The following SNX29 variants were observed in gnomAD, a reference collection of about 807,000 sequenced individuals.
The protein encoded by SNX29 is sorting nexin-29.
SNX29 carries 78 observed loss-of-function variants against 102.1 expected under a neutral mutation model. The observed-to-expected ratio is 0.76, with a 90% CI of 0.64 to 0.92. The LOEUF (loss-of-function observed/expected upper bound fraction) is 0.92. Among genes scored for constraint, SNX29 ranks in the 40% least tolerant of loss-of-function variants. SNX29 has a pLI of 0.00. For synonymous variants in SNX29, 580 were observed against 414.5 expected (o/e 1.40, Z -4.85); for missense variants, 1,280 against 1,061.7 (o/e 1.21, Z -2.86).
intron 20 of SNX29, among the ~76,000 whole-genome samples, chr16:12,552,777 G>C (rs1014546335): frequency 6.6e-6 from 1 of 152,214 alleles, no homozygotes. Flanking sequence ...ATTCATCTCA[G>C]CTCTGGGCTT....
chr16:12,042,689 T>C (rs961092626), intron 4 of SNX29, among the ~76,000 whole-genome samples: 1 of 152,246 alleles, frequency 6.6e-6, no homozygotes, highest in East Asian at 1.9e-4. Flanking sequence ...AGTATTCCAT[T>C]GTGTAAATGT....
At chr16:12,358,844 G>C (rs963810551) in intron 16 of SNX29, among the ~76,000 whole-genome samples, 11 of 152,224 alleles carry the variant, frequency 7.2e-5, no homozygotes, top group African/African-American at 2.7e-4. Context: ...CTTCCAGGTA[G>C]CTGAATAAGT....
At chr16:12,414,338 C>T (rs551840184) in intron 18 of SNX29, among the ~76,000 whole-genome samples, 77 of 152,314 alleles carry the variant, frequency 5.1e-4, no homozygotes, top group African/African-American at 1.7e-3. Flanking sequence ...CACACCGCTG[C>T]ACTCCAGCCT....
In SNX29 at chr16:12,569,536, A is replaced by G; in HGVS notation, c.*907A>G. On this transcript the variant is annotated 3_prime_UTR_variant, in exon 21 of 21. Coordinates refer to ENST00000566228, the MANE Select transcript of SNX29 (RefSeq NM_032167.5). ...GCTCCATGACTATGAAGTTGGACCC[A>G]GTGTGGACACTTAACAGATCATGTG... 4.3e-6 allele frequency: 1 copy of G among 231,666 alleles called. No individual in the cohort carries two copies. The highest frequency in any genetic ancestry group is 6.1e-5 in the East Asian group (1 of 16,372). 14.4% of individuals were successfully genotyped at this position (231,666 alleles called of 1,614,324 possible).
Position 12,086,529 on chromosome 16 carries a change from G to C in SNX29, c.1402+7614G>C, listed in dbSNP as rs550569369. Among the ~76,000 whole-genome samples, 107 of 152,190 alleles carry C rather than the reference G, an allele frequency of 7.0e-4. 1 individual carries two copies. The highest frequency in any genetic ancestry group is 2.5e-3 in the African/African-American group (103 of 41,540). On this transcript the variant is annotated intron_variant, in intron 11 of 20. Transcript: ENST00000566228. ...GGGCTTAAGCGATCCTCCTGCCTCA[G>C]CTTCCCAAGTAGCTGGGACTGAAGG...
chr16:12,442,833 G>A lies in SNX29; in HGVS notation c.2038-34886G>A, dbSNP rs532102524. ...GGTCTCCAACTCCTGGGCTCAAGCCGTCCTCCCATCTCAGCCTCACAAGTC... is the reference window on the plus strand; with the variant it reads ...GGTCTCCAACTCCTGGGCTCAAGCCATCCTCCCATCTCAGCCTCACAAGTC... On this transcript the variant is annotated intron_variant, in intron 18 of 20. Coordinates refer to ENST00000566228, the MANE Select transcript of SNX29 (RefSeq NM_032167.5). Among the ~76,000 whole-genome samples, 36 of 152,120 alleles carry A rather than the reference G, an allele frequency of 2.4e-4. 1 individual carries two copies. In the South Asian group the frequency reaches 4.8e-3, roughly 20 times the overall value.
intron 9 of SNX29, among the ~76,000 whole-genome samples, chr16:12,064,923 C>A (rs558409469): frequency 6.6e-6 from 1 of 152,254 alleles, no homozygotes; most frequent in Admixed American, 6.5e-5. Flanking sequence ...AGACTTCCCA[C>A]ATGGAGGGCT....
chr16:12,562,686 C>T (rs137887649), intron 20 of SNX29, among the ~76,000 whole-genome samples: 2 of 152,260 alleles, frequency 1.3e-5, no homozygotes, highest in Non-Finnish European at 2.9e-5. Context: ...CAGGCACTGC[C>T]TTCTTTGGAG....
intron 8 of SNX29, among the ~76,000 whole-genome samples, chr16:12,058,495 G>GTTTTTTTTTTTTT (rs1249420541): frequency 5.6e-5 from 6 of 106,542 alleles, no homozygotes; most frequent in Admixed American, 1.1e-4. Context: ...TTGGTTTTTG[G>GTTTTTTTTTTTTT]TTTTTTTTTT....
chr16:12,280,436 G>A (rs1193717415), intron 15 of SNX29, among the ~76,000 whole-genome samples: 1 of 152,216 alleles, frequency 6.6e-6, no homozygotes, highest in Non-Finnish European at 1.5e-5. Context: ...AGCTGTGAGA[G>A]GGTGAGTGTG....
chr16:12,325,845 A>G (rs902873652), intron 15 of SNX29, among the ~76,000 whole-genome samples: 2 of 151,970 alleles, frequency 1.3e-5, no homozygotes, highest in Non-Finnish European at 2.9e-5. Flanking sequence ...TGGACAACAC[A>G]ACAAGATCCT....
intron 11 of SNX29, among the ~76,000 whole-genome samples, chr16:12,097,978 C>A (rs1441559758): frequency 6.6e-6 from 1 of 152,240 alleles, no homozygotes; most frequent in Non-Finnish European, 1.5e-5. Flanking sequence ...GAGAGCACCC[C>A]AGGCTCCTGC....
chr16:12,401,074 G>A (rs762449174), intron 17 of SNX29, among the ~76,000 whole-genome samples: 19 of 151,984 alleles, frequency 1.3e-4, no homozygotes, highest in Non-Finnish European at 2.6e-4. Context: ...CTCGTGATCC[G>A]CCTACCTCGG....
In SNX29 at chr16:12,343,579, A is replaced by T. The variant is rs531112697; in HGVS notation, c.1783-12584A>T. Among the ~76,000 whole-genome samples the T allele has an allele frequency of 2.0e-4, 31 of 152,212 alleles. No homozygotes were observed. The South Asian group carries it at 6.2e-3, about 31-fold the overall frequency. ...TTCCTGCCTTTGGCCTCAGCTTAGT[A>T]TCACAAGCCCTAGGACGGGTAGCTG... On this transcript the variant is annotated intron_variant, in intron 15 of 20. Transcript: ENST00000566228.
intron 19 of SNX29, among the ~76,000 whole-genome samples, chr16:12,496,425 A>T (rs374840509): frequency 1.3e-5 from 2 of 151,458 alleles, no homozygotes; most frequent in Non-Finnish European, 2.9e-5. Flanking sequence ...GAGGCACTCA[A>T]TGGAGGCTGG....
intron 13 of SNX29, among the ~76,000 whole-genome samples, chr16:12,147,153 G>A (rs992790794): frequency 2.0e-5 from 3 of 152,256 alleles, no homozygotes; most frequent in African/African-American, 7.2e-5. Context: ...GCGTTGAATG[G>A]TTGAGCGTCA....
chr16:12,167,037 T>C (rs1209593368), intron 13 of SNX29, among the ~76,000 whole-genome samples: 1 of 152,198 alleles, frequency 6.6e-6, no homozygotes, highest in African/African-American at 2.4e-5. Context: ...ACATGGCCCA[T>C]TTGCTCAATG....
chr16:12,067,779 C>T (rs1315116872), intron 9 of SNX29, among the ~76,000 whole-genome samples: 6 of 152,182 alleles, frequency 3.9e-5, no homozygotes, highest in East Asian at 3.9e-4. Flanking sequence ...TGAGCCACCG[C>T]GCCTGGCCCA....
At chr16:12,017,251 A>C (rs1225507214) in intron 3 of SNX29, among the ~76,000 whole-genome samples, 1 of 152,194 alleles carries the variant, frequency 6.6e-6, no homozygotes, top group Non-Finnish European at 1.5e-5. Context: ...ATTGCTTTTG[A>C]AGTCCTTAGT....
Sources: allele counts gnomAD v4.1 joint callset (sites outside exome capture counted in the v4.1 genomes callset), GRCh38; gene constraint gnomAD v4.1.1; transcripts MANE v1.5; gene names NCBI Gene and HGNC (gene_info 2026-07-23, HGNC 2026-07-21).